The following RAB3C variants were observed in gnomAD, a reference collection of about 807,000 sequenced individuals.
The protein encoded by RAB3C is ras-related protein Rab-3C.
A neutral mutation model predicts 26.4 loss-of-function variants in RAB3C; 17 were observed. The ratio of observed to expected loss-of-function variants is 0.64; its 90% CI spans 0.44 to 0.97. The LOEUF is 0.97. Ranked by LOEUF, RAB3C falls within the 50% of genes least tolerant of loss-of-function variation. RAB3C has a pLI of 0.00. For missense variants in RAB3C, 242 were observed against 281.9 expected (o/e 0.86, Z 1.01); for synonymous variants, 91 against 95.9 (o/e 0.95, Z 0.30).
chr5:58,792,799 A>AG (rs1742559229), intron 3 of RAB3C, among the ~76,000 whole-genome samples: 2 of 152,034 alleles, frequency 1.3e-5, no homozygotes, highest in Non-Finnish European at 2.9e-5. Flanking sequence ...GTATATATAA[A>AG]ACCTTGTGTA....
At chr5:58,646,837 A>G (rs1444028609) in intron 2 of RAB3C, among the ~76,000 whole-genome samples, 2 of 152,172 alleles carry the variant, frequency 1.3e-5, no homozygotes, top group Non-Finnish European at 1.5e-5. Flanking sequence ...GACATATTCA[A>G]TTAGGAGTCT....
chr5:58,840,603 A>T (rs1435568572), intron 4 of RAB3C, among the ~76,000 whole-genome samples: 1 of 152,040 alleles, frequency 6.6e-6, no homozygotes, highest in Non-Finnish European at 1.5e-5. Flanking sequence ...TTCCAATTTT[A>T]TGAAGTAGGT....
chr5:58,812,396 A>G (rs1249529853), intron 3 of RAB3C, among the ~76,000 whole-genome samples: 2 of 152,172 alleles, frequency 1.3e-5, no homozygotes, highest in Non-Finnish European at 2.9e-5. Context: ...GAATCAGATG[A>G]TCTAGGGGTG....
At chr5:58,722,412 CA>C (rs146452492) in intron 2 of RAB3C, among the ~76,000 whole-genome samples, 2,582 of 116,442 alleles carry the variant, frequency 0.022, 25 homozygotes, top group Middle Eastern at 0.036. Flanking sequence ...TAATCAATGC[CA>C]AAAAAAAAAA....
chr5:58,740,115 A>T (rs1741245486), intron 3 of RAB3C, among the ~76,000 whole-genome samples: 1 of 152,200 alleles, frequency 6.6e-6, no homozygotes, highest in South Asian at 2.1e-4. Flanking sequence ...TGGGCCAGCC[A>T]TGCCTCCTCA....
intron 2 of RAB3C, among the ~76,000 whole-genome samples, chr5:58,652,101 C>T (rs1189299667): frequency 6.6e-6 from 1 of 151,880 alleles, no homozygotes; most frequent in Non-Finnish European, 1.5e-5. Flanking sequence ...GTGATAAGTG[C>T]TATGTAATCT....
At chr5:58,666,639 AGTT>A (rs1748007910) in intron 2 of RAB3C, among the ~76,000 whole-genome samples, 1 of 152,224 alleles carries the variant, frequency 6.6e-6, no homozygotes, top group South Asian at 2.1e-4. Flanking sequence ...TAGGCTGACC[AGTT>A]AGTAGAGATA....
chr5:58,615,710 TC>T (rs1202702781), intron 1 of RAB3C, among the ~76,000 whole-genome samples: 1 of 152,162 alleles, frequency 6.6e-6, no homozygotes, highest in Non-Finnish European at 1.5e-5. Context: ...TTATAGGTTT[TC>T]ACAATTTCTA....
chr5:58,828,965 G>A (rs1050004692), intron 4 of RAB3C, among the ~76,000 whole-genome samples: 18 of 147,966 alleles, frequency 1.2e-4, no homozygotes, highest in South Asian at 1.1e-3. Context: ...GTGCAGTGGC[G>A]TGATCTCAGC....
chr5:58,669,542 A>C (rs369777902), intron 2 of RAB3C, among the ~76,000 whole-genome samples: 1 of 152,192 alleles, frequency 6.6e-6, no homozygotes, highest in Non-Finnish European at 1.5e-5. Flanking sequence ...AAGGTCAGCC[A>C]GTGGCTCCTT....
chr5:58,757,931 G>GTTGTTTTGTTTTGTT (rs111469253), intron 3 of RAB3C, among the ~76,000 whole-genome samples: 22 of 151,146 alleles, frequency 1.5e-4, no homozygotes, highest in Non-Finnish European at 1.5e-4. Flanking sequence ...TGTTGTTGTT[G>GTTGTTTTGTTTTGTT]TTGTTTTGTT....
chr5:58,750,699 T>G (rs1288880293), intron 3 of RAB3C, among the ~76,000 whole-genome samples: 1 of 152,170 alleles, frequency 6.6e-6, no homozygotes, highest in Admixed American at 6.5e-5. Context: ...GTCAATAGAG[T>G]TGTATTAATC....
chr5:58,745,869 G>A (rs1741392801), intron 3 of RAB3C, among the ~76,000 whole-genome samples: 2 of 152,084 alleles, frequency 1.3e-5, no homozygotes, highest in Admixed American at 6.5e-5. Context: ...TATTTCCCAA[G>A]GATATTTCAA....
chr5:58,588,618 A>G (rs1746061573), intron 1 of RAB3C, among the ~76,000 whole-genome samples: 1 of 152,114 alleles, frequency 6.6e-6, no homozygotes, highest in Non-Finnish European at 1.5e-5. Context: ...TCAGGTAGAT[A>G]TATAAATAAA....
chr5:58,693,949 ATACTTT>A (rs1748634347), intron 2 of RAB3C, among the ~76,000 whole-genome samples: 2 of 152,030 alleles, frequency 1.3e-5, no homozygotes, highest in Non-Finnish European at 2.9e-5. Flanking sequence ...ATTTTTTATT[ATACTTT>A]AAGTTCTAGG....
intron 3 of RAB3C, among the ~76,000 whole-genome samples, chr5:58,772,890 A>C (rs1308391950): frequency 2.0e-5 from 3 of 152,188 alleles, no homozygotes; most frequent in African/African-American, 7.2e-5. Flanking sequence ...AAGAAAAATC[A>C]TGTTGCATTC....
chr5:58,692,330 A>G (rs544912301), intron 2 of RAB3C, among the ~76,000 whole-genome samples: 5 of 139,214 alleles, frequency 3.6e-5, no homozygotes, highest in South Asian at 5.0e-4. Context: ...ATGCAAATAC[A>G]TATTTGCTAG....
At chr5:58,657,643 C>G (rs761179927) in intron 2 of RAB3C, among the ~76,000 whole-genome samples, 3 of 152,070 alleles carry the variant, frequency 2.0e-5, no homozygotes, top group African/African-American at 7.2e-5. Flanking sequence ...AGACAAGGGC[C>G]AGACCATAAT....
At chr5:58,603,335 G>A (rs183455356) in intron 1 of RAB3C, among the ~76,000 whole-genome samples, 219 of 152,142 alleles carry the variant, frequency 1.4e-3, no homozygotes, top group African/African-American at 5.0e-3. Flanking sequence ...TGTTCCTTGC[G>A]CTTCTTGTAT....
Sources: gnomAD v4.1 joint callset for allele counts (sites outside exome capture counted in the v4.1 genomes callset) on GRCh38, gnomAD v4.1.1 for gene constraint, MANE v1.5 for transcripts, NCBI Gene and HGNC (gene_info 2026-07-23, HGNC 2026-07-21) for gene names.